ZNF407: variants seen among roughly 807,000 people sequenced by gnomAD.
ZNF407 encodes the protein zinc finger protein 407.
In ZNF407, 17 loss-of-function variants were observed where a neutral mutation model predicts 131.2. That is an observed-to-expected ratio of 0.13 (90% CI 0.09 to 0.19). The LOEUF is 0.19. Among genes scored for constraint, ZNF407 ranks in the 10% least tolerant of loss-of-function variants. The probability of loss-of-function intolerance (pLI) is 1.00; values close to 1 mark genes in which losing one functional copy is unlikely to be tolerated. For missense variants in ZNF407, 2,681 were observed against 2,830.6 expected (o/e 0.95, Z 1.20); for synonymous variants, 1,156 against 1,062.0 (o/e 1.09, Z -1.72).
At chr18:75,050,865 C>T (rs1225469951) in intron 8 of ZNF407, among the ~76,000 whole-genome samples, 2 of 152,208 alleles carry the variant, frequency 1.3e-5, no homozygotes, top group African/African-American at 4.8e-5. Context: ...ATAGTAACTT[C>T]CAGGTGTCCT....
In ZNF407 at chr18:74,968,354, A is replaced by C. The variant is rs564078664; in HGVS notation, c.5428+47662A>C. On this transcript the variant is annotated intron_variant, in intron 8 of 8. Transcript: ENST00000299687. Reference sequence around the variant, plus strand: ...CTCAAATGTGATTTATAAATCTCAAATGTCCATGAGGAGGACAGTGGGCCC... The same window carrying C: ...CTCAAATGTGATTTATAAATCTCAACTGTCCATGAGGAGGACAGTGGGCCC... Among the ~76,000 whole-genome samples, 9 of 152,296 alleles carry C rather than the reference A, an allele frequency of 5.9e-5. No individual in the cohort carries two copies. In the East Asian group the frequency reaches 1.5e-3, roughly 26 times the overall value.
intron 4 of ZNF407, among the ~76,000 whole-genome samples, chr18:74,870,114 C>T (rs1406763129): frequency 6.6e-6 from 1 of 152,168 alleles, no homozygotes; most frequent in East Asian, 1.9e-4. Context: ...TAGACTGAGG[C>T]AGCCTGGGGT....
intron 8 of ZNF407, among the ~76,000 whole-genome samples, chr18:74,947,445 G>A (rs1025047256): frequency 7.9e-5 from 12 of 151,998 alleles, no homozygotes; most frequent in African/African-American, 2.9e-4. Context: ...AATTTGGCAG[G>A]GTACATAAAG....
At chr18:74,979,736 A>T (rs923327302) in intron 8 of ZNF407, among the ~76,000 whole-genome samples, 1 of 152,226 alleles carries the variant, frequency 6.6e-6, no homozygotes, top group African/African-American at 2.4e-5. Context: ...GTTCGACCTT[A>T]ATAGTAGCCA....
At chr18:74,709,429 G>A (rs1967704883) in intron 3 of ZNF407, among the ~76,000 whole-genome samples, 1 of 152,118 alleles carries the variant, frequency 6.6e-6, no homozygotes, top group African/African-American at 2.4e-5. Flanking sequence ...CTCAAAATCT[G>A]TAATATCTGA....
intron 4 of ZNF407, among the ~76,000 whole-genome samples, chr18:74,832,930 T>G (rs17055712): frequency 0.05 from 7,643 of 152,196 alleles, 599 homozygotes; most frequent in African/African-American, 0.17. Context: ...AGGAATTACT[T>G]GGATAAAGGA....
intron 4 of ZNF407, among the ~76,000 whole-genome samples, chr18:74,875,035 G>T (rs1036738945): frequency 6.6e-6 from 1 of 152,194 alleles, no homozygotes; most frequent in Admixed American, 6.5e-5. Flanking sequence ...AGGAGGACCA[G>T]GATCCCTTGG....
chr18:74,942,550 G>A (rs999781325), intron 8 of ZNF407, among the ~76,000 whole-genome samples: 1 of 152,152 alleles, frequency 6.6e-6, no homozygotes, highest in African/African-American at 2.4e-5. Context: ...TAATCTTTCT[G>A]ACCTGAAGTT....
rs529240413 is a variant in ZNF407, at chr18:75,064,078, G to A, written c.6357G>A (p.Glu2119=). ...GTGCCGTCCACATGGTCGCCGGGGA[G>A]GGTGCCCAGATCATCATGCAGGAGG... is the stretch of plus-strand genomic sequence containing the variant. The part of the protein sequence containing the change: ...EEGAVHMVAG[E]GAQIIMQEAQ... Residue 2119 remains glutamate, a synonymous_variant, in exon 9 of 9, where the codon GAG becomes GAA. Coordinates refer to ENST00000299687, the MANE Select transcript of ZNF407 (RefSeq NM_017757.3). 3 of 1,589,382 alleles carry A rather than the reference G, an allele frequency of 1.9e-6. No individual in the cohort carries two copies. The highest frequency in any genetic ancestry group is 1.8e-5 in the Admixed American group (1 of 56,010).
At chr18:74,779,109 ATTT>A (rs869191171) in intron 3 of ZNF407, among the ~76,000 whole-genome samples, 374 of 24,326 alleles carry the variant, frequency 0.015, no homozygotes, top group Admixed American at 0.022. Flanking sequence ...ATATATATAT[ATTT>A]TTTTTTTTTT....
At chr18:74,857,611 T>C (rs182567480) in intron 4 of ZNF407, among the ~76,000 whole-genome samples, 187 of 152,264 alleles carry the variant, frequency 1.2e-3, no homozygotes, top group African/African-American at 4.4e-3. Flanking sequence ...AAGAAATAAA[T>C]ATAATACTTC....
In ZNF407 at chr18:74,881,029, G is replaced by A; in HGVS notation, c.5045-7G>A. 6.3e-7 allele frequency: 1 copy of A among 1,587,840 alleles called. No individual in the cohort carries two copies. Among genetic ancestry groups the A allele is most frequent in the Non-Finnish European group, 8.6e-7 (1 of 1,166,232 alleles). On this transcript the variant is annotated splice_polypyrimidine_tract_variant and splice_region_variant and intron_variant, in intron 5 of 8. Transcript: ENST00000299687. The stretch of plus-strand genomic sequence containing the variant: ...CGCAGTCCCTCATCTGTTTGTTGTT[G>A]CAACAGGCGAGAAGTCGTTTCTGTG...
chr18:74,672,647 C>T (rs770089814), intron 3 of ZNF407, among the ~76,000 whole-genome samples: 4 of 151,968 alleles, frequency 2.6e-5, no homozygotes, highest in Admixed American at 6.6e-5. Flanking sequence ...CATTGGAGCA[C>T]TGTTCGTCTG....
chr18:74,704,644 C>T (rs1599083698), intron 3 of ZNF407, among the ~76,000 whole-genome samples: 1 of 152,192 alleles, frequency 6.6e-6, no homozygotes, highest in Non-Finnish European at 1.5e-5. Flanking sequence ...GCATGGAAAT[C>T]ATTTACATAA....
chr18:74,674,638 G>A (rs1986283335), intron 3 of ZNF407, among the ~76,000 whole-genome samples: 1 of 152,088 alleles, frequency 6.6e-6, no homozygotes, highest in Non-Finnish European at 1.5e-5. Flanking sequence ...ACTTGTAAAT[G>A]TTGAACTACC....
chr18:74,837,799 A>G lies in ZNF407; in HGVS notation c.4878-39398A>G, dbSNP rs61424123. Among the ~76,000 whole-genome samples, 1,145 of 152,140 alleles carry G rather than the reference A, an allele frequency of 7.5e-3. 11 individuals carry two copies. Among genetic ancestry groups the G allele is most frequent in the African/African-American group, 0.025 (1,049 of 41,520 alleles). On this transcript the variant is annotated intron_variant, in intron 4 of 8. Transcript: ENST00000299687. ...TTCTGAGTAGCTGAGACTTACAGGT[A>G]TCCACCATCACACCCAGCTAATTTT...
chr18:74,914,457 T>C (rs113567672), intron 7 of ZNF407, among the ~76,000 whole-genome samples: 1,623 of 152,280 alleles, frequency 0.011, 32 homozygotes, highest in African/African-American at 0.037. Flanking sequence ...TACCTACCTT[T>C]AGAACTGGGA....
At chr18:75,004,284 T>G (rs1415390083) in intron 8 of ZNF407, among the ~76,000 whole-genome samples, 1 of 152,202 alleles carries the variant, frequency 6.6e-6, no homozygotes, top group African/African-American at 2.4e-5. Flanking sequence ...TGATGCATTC[T>G]TGGGGCTAAT....
intron 4 of ZNF407, among the ~76,000 whole-genome samples, chr18:74,834,203 A>G (rs1970524455): frequency 6.6e-6 from 1 of 152,218 alleles, no homozygotes; most frequent in Non-Finnish European, 1.5e-5. Context: ...AATTTAGATC[A>G]CTGCATCCTG....
Sources: allele counts gnomAD v4.1 joint callset (sites outside exome capture counted in the v4.1 genomes callset), GRCh38; gene constraint gnomAD v4.1.1; transcripts MANE v1.5; gene names NCBI Gene and HGNC (gene_info 2026-07-23, HGNC 2026-07-21).